The following CEP350 variants were observed in gnomAD, a reference collection of about 807,000 sequenced individuals.
The protein encoded by CEP350 is centrosome-associated protein 350.
Under a neutral mutation model 331.8 loss-of-function variants are expected in CEP350, and 126 were observed. The ratio of observed to expected loss-of-function variants is 0.38; its 90% confidence interval spans 0.33 to 0.44. CEP350 has a LOEUF of 0.44. Among genes scored for constraint, CEP350 ranks in the 20% least tolerant of loss-of-function variants. The pLI is 1.00. For missense variants in CEP350, 3,406 were observed against 3,634.6 expected (o/e 0.94, Z 1.62); for synonymous variants, 1,200 against 1,259.5 (o/e 0.95, Z 1.00).
At chr1:180,068,471 A>T (rs1483284721) in intron 27 of CEP350, among the ~76,000 whole-genome samples, 1 of 152,146 alleles carries the variant, frequency 6.6e-6, no homozygotes, top group African/African-American at 2.4e-5. Context: ...TTTTGGTTTT[A>T]TTGTTAAGTG....
intron 30 of CEP350, among the ~76,000 whole-genome samples, chr1:180,082,183 A>G (rs759784492): frequency 5.3e-5 from 8 of 152,222 alleles, no homozygotes; most frequent in Non-Finnish European, 1.2e-4. Context: ...TAATAATAAC[A>G]TTTGTAAGAT....
chr1:180,100,462 C>T lies in CEP350; in HGVS notation c.9189+1477C>T, dbSNP rs543924050. Among the ~76,000 whole-genome samples, 13 of 152,306 alleles carry T rather than the reference C, an allele frequency of 8.5e-5. No individual in the cohort carries two copies. In the East Asian group the frequency reaches 2.5e-3, roughly 29 times the overall value. ...AGCATATTAAGAGGCATTCATCTAA[C>T]CTATCAGCTAAATTGATGATATCCC... On this transcript the variant is annotated intron_variant, in intron 37 of 37. Coordinates refer to ENST00000367607, the MANE Select transcript of CEP350 (RefSeq NM_014810.5).
rs530792289 is a variant in CEP350 at position 179,978,579 on chromosome 1, T to C, written c.-13-7590T>C. Among the ~76,000 whole-genome samples the C allele has an allele frequency of 8.5e-5, 13 of 152,198 alleles. No homozygotes were observed. The East Asian group carries it at 2.1e-3, about 25-fold the overall frequency. On this transcript the variant is annotated intron_variant, in intron 1 of 37. Coordinates refer to ENST00000367607, the MANE Select transcript of CEP350 (RefSeq NM_014810.5). ...AGCCCCTACTAACCTCTGTTCTACT[T>C]TTCTATGAGAAGAGCTCTTCTATGA...
intron 4 of CEP350, 56 bp downstream of exon 4, chr1:179,990,677 A>G: frequency 1.0e-6 from 1 of 957,310 alleles, no homozygotes; most frequent in Non-Finnish European, 1.6e-6. Context: ...ATTTTGACAA[A>G]ACAGACAGCT....
At chr1:179,964,456 C>A (rs1407062772) in intron 1 of CEP350, among the ~76,000 whole-genome samples, 1 of 151,956 alleles carries the variant, frequency 6.6e-6, no homozygotes, top group East Asian at 1.9e-4. Flanking sequence ...AAGATTGATA[C>A]CAGCTCTTCT....
In CEP350 at chr1:180,080,676, G is replaced by C; in HGVS notation, c.6124+15G>C. On this transcript the variant is annotated intron_variant, in intron 30 of 37. Transcript: ENST00000367607. ...GACACAGTCAGGTAAGACTAATCAT[G>C]AGGAGTTTTTATTTGTGTTGTATTT... 6.2e-7 allele frequency: 1 copy of C among 1,610,524 alleles called. No individual in the cohort carries two copies.
chr1:180,057,700 G>A (rs1175801264), intron 25 of CEP350, among the ~76,000 whole-genome samples: 1 of 151,992 alleles, frequency 6.6e-6, no homozygotes, highest in Non-Finnish European at 1.5e-5. Context: ...TTTTATTAGA[G>A]TTATCAACTG....
At chr1:180,063,283 C>T (rs535882126) in intron 26 of CEP350, among the ~76,000 whole-genome samples, 11 of 151,178 alleles carry the variant, frequency 7.3e-5, no homozygotes, top group African/African-American at 2.7e-4. Context: ...CTTGACCTCC[C>T]AGGGGTTAGG....
chr1:180,023,032 C>T (rs901252555), intron 13 of CEP350, among the ~76,000 whole-genome samples, 184 bp downstream of exon 13: 1 of 152,094 alleles, frequency 6.6e-6, no homozygotes, highest in Non-Finnish European at 1.5e-5. Flanking sequence ...TCCAGGCTCT[C>T]CTGGTTATTG....
chr1:180,079,084 A>T (rs1025846980), intron 29 of CEP350, among the ~76,000 whole-genome samples: 6 of 152,146 alleles, frequency 3.9e-5, no homozygotes, highest in Admixed American at 1.3e-4. Context: ...TTAGCCTCTT[A>T]AAGGCAGCTC....
chr1:180,037,662 A>T (rs1268001569), intron 17 of CEP350, among the ~76,000 whole-genome samples: 2 of 151,826 alleles, frequency 1.3e-5, no homozygotes, highest in Non-Finnish European at 2.9e-5. Flanking sequence ...TTATTTATTT[A>T]TTTTTTTGAG....
intron 26 of CEP350, among the ~76,000 whole-genome samples, chr1:180,063,870 A>G (rs1437451645): frequency 6.6e-6 from 1 of 152,192 alleles, no homozygotes; most frequent in Non-Finnish European, 1.5e-5. Flanking sequence ...TAATTTTTAA[A>G]ATTCCTAATA....
At chr1:180,007,810 C>A (rs1267135921) in intron 8 of CEP350, among the ~76,000 whole-genome samples, 1 of 147,974 alleles carries the variant, frequency 6.8e-6, no homozygotes, top group Non-Finnish European at 1.5e-5. Context: ...TTGTTTGGCA[C>A]ATATAAAAAA....
At chr1:179,968,676 C>A in intron 1 of CEP350, 1 of 499,342 alleles carries the variant, frequency 2.0e-6, no homozygotes, top group Non-Finnish European at 3.9e-6. Context: ...TTACAATATC[C>A]AGAGGCCTTG....
intron 10 of CEP350, 87 bp downstream of exon 10, chr1:180,014,592 CTAG>C: frequency 8.2e-7 from 1 of 1,218,670 alleles, no homozygotes; most frequent in Non-Finnish European, 1.1e-6. Flanking sequence ...CCCATCATTC[CTAG>C]TATGCTCAGA....
At chr1:180,062,019 TATTAA>T (rs1384801980) in intron 25 of CEP350, among the ~76,000 whole-genome samples, 196 bp from the exon 26 acceptor site, 1 of 152,124 alleles carries the variant, frequency 6.6e-6, no homozygotes, top group African/African-American at 2.4e-5. Context: ...TAAGAGATCA[TATTAA>T]ATTATTTTAG....
At chr1:180,015,500 C>G (rs1284233755) in intron 10 of CEP350, among the ~76,000 whole-genome samples, 1 of 152,078 alleles carries the variant, frequency 6.6e-6, no homozygotes, top group South Asian at 2.1e-4. Context: ...TCCCAAAGTG[C>G]TGGGATTACA....
In CEP350 at chr1:179,997,175, G is replaced by A. The variant is rs1028447592; in HGVS notation, c.1018G>A (p.Gly340Ser). ...ATAPPAPAYK[G>S]FNPSETKIRT... ...AGCACCACCTGCTCCAGCATATAAA[G>A]GTTTGTAATCAGTCTTTATATCTTC... Residue 340 changes from glycine to serine, a missense_variant and splice_region_variant, in exon 6 of 38, where the codon GGT becomes AGT. Around this residue, in one of 5 missense-constraint regions of CEP350, gnomAD observed 1,857 missense variants for 1,909.2 expected, o/e 0.97. Coordinates refer to ENST00000367607, the MANE Select transcript of CEP350 (RefSeq NM_014810.5). 1.2e-6 allele frequency: 2 copies of A among 1,609,288 alleles called. No homozygotes were observed. Among genetic ancestry groups the A allele is most frequent in the African/African-American group, 1.3e-5 (1 of 74,514 alleles).
Position 180,078,496 on chromosome 1 carries a change from T to C in CEP350, c.5801T>C (p.Leu1934Pro). ...AGTGAAGAGGAATCTCCAGTACCTCTGTACTCTCATCTAAACAGTGAAAGC... is the reference window on the plus strand; with the variant it reads ...AGTGAAGAGGAATCTCCAGTACCTCCGTACTCTCATCTAAACAGTGAAAGC... ...IASEEESPVP[L>P]YSHLNSESSI... The change falls in exon 29 of 38, where the codon CTG becomes CCG. Residue 1934 changes from leucine to proline, a missense_variant. Physicochemically the swap from Leu to Pro is moderately conservative, Grantham distance 98. This residue lies in a region of CEP350 where 1,415 missense variants were observed against 1,512.3 expected (regional missense o/e 0.94). Coordinates refer to ENST00000367607, the MANE Select transcript of CEP350 (RefSeq NM_014810.5). 1 of 1,613,464 alleles carries C rather than the reference T, an allele frequency of 6.2e-7. No individual in the cohort carries two copies. Among genetic ancestry groups the C allele is most frequent in the African/African-American group, 1.3e-5 (1 of 75,056 alleles).
Sources: gnomAD v4.1 joint callset for allele counts (sites outside exome capture counted in the v4.1 genomes callset) on GRCh38, gnomAD v4.1.1 for gene constraint, gnomAD v4.1.1 regional missense constraint, MANE v1.5 for transcripts, NCBI Gene and HGNC (gene_info 2026-07-23, HGNC 2026-07-21) for gene names.